The following MAN1A2 variants were observed in gnomAD, a reference collection of about 807,000 sequenced individuals.
MAN1A2 encodes mannosidase alpha class 1A member 2, also known as mannosyl-oligosaccharide 1,2-alpha-mannosidase IB.
In MAN1A2, 26 loss-of-function variants were observed where a neutral mutation model predicts 75.7. The observed-to-expected ratio is 0.34, with a 90% CI of 0.25 to 0.48. MAN1A2 has a LOEUF of 0.48. Among genes scored for constraint, MAN1A2 ranks in the 20% least tolerant of loss-of-function variants. The probability of loss-of-function intolerance (pLI) is 0.99; values close to 1 mark genes in which losing one functional copy is unlikely to be tolerated. For synonymous variants in MAN1A2, 247 were observed against 264.6 expected, an observed-to-expected ratio of 0.93 and a Z score of 0.65; for missense variants, 562 against 775.5, an observed-to-expected ratio of 0.72 and a Z score of 3.27.
At chr1:117,403,053 G>A (rs1411652359) in intron 2 of MAN1A2, among the ~76,000 whole-genome samples, 2 of 152,114 alleles carry the variant, frequency 1.3e-5, no homozygotes, top group Non-Finnish European at 2.9e-5. Context: ...GAAAAATCTA[G>A]TGAATATTTG....
intron 8 of MAN1A2, 131 bp downstream of exon 8, chr1:117,466,558 T>C (rs1323173037): frequency 1.9e-6 from 1 of 539,236 alleles, no homozygotes; most frequent in African/African-American, 2.0e-5. Flanking sequence ...CTGCTGGTGC[T>C]GTTCTTAGGC....
rs10923324 is a variant in MAN1A2, at chr1:117,506,398, T to A, written c.1793+3428T>A. Among the ~76,000 whole-genome samples, 1,189 of 151,708 alleles carry A rather than the reference T, an allele frequency of 7.8e-3. 11 individuals are homozygous for A. Among genetic ancestry groups the A allele is most frequent in the African/African-American group, 0.027 (1,118 of 41,496 alleles). Reference sequence around the variant, plus strand: ...CATAGGTGCTATACCATGGAGTAGTTATTGCTATAGGCATACTTTTTTCCC... The same window carrying A: ...CATAGGTGCTATACCATGGAGTAGTAATTGCTATAGGCATACTTTTTTCCC... On this transcript the variant is annotated intron_variant, in intron 12 of 12. Coordinates refer to ENST00000356554, the MANE Select transcript of MAN1A2 (RefSeq NM_006699.5).
chr1:117,464,036 G>C (rs980755403), intron 7 of MAN1A2, among the ~76,000 whole-genome samples: 1 of 152,064 alleles, frequency 6.6e-6, no homozygotes, highest in Non-Finnish European at 1.5e-5. Flanking sequence ...TGAAGTAGAA[G>C]ACCTAAATCA....
chr1:117,476,950 G>T (rs1262665053), intron 8 of MAN1A2, among the ~76,000 whole-genome samples: 1 of 152,088 alleles, frequency 6.6e-6, no homozygotes, highest in African/African-American at 2.4e-5. Flanking sequence ...ACTATGGGCA[G>T]TATGGACATT....
rs373949285 is a variant in MAN1A2 at position 117,525,117 on chromosome 1, C to T, written c.*2160C>T. ...CTTCTCAAGGGATGAGGAGACAGAA[C>T]CCCTACTTCCAAGTGCTCTATTTGT... On this transcript the variant is annotated 3_prime_UTR_variant, in exon 13 of 13. Coordinates refer to ENST00000356554, the MANE Select transcript of MAN1A2 (RefSeq NM_006699.5). The T allele has an allele frequency of 8.5e-5, 45 of 529,310 alleles. No homozygotes were observed. Among genetic ancestry groups the T allele is most frequent in the African/African-American group, 8.3e-4 (43 of 51,948 alleles). 32.8% of individuals were successfully genotyped at this position (529,310 alleles called of 1,614,324 possible).
At chr1:117,456,957 A>G (rs546818862) in intron 6 of MAN1A2, among the ~76,000 whole-genome samples, 1 of 152,152 alleles carries the variant, frequency 6.6e-6, no homozygotes, top group African/African-American at 2.4e-5. Flanking sequence ...GAGTGTTTTA[A>G]TTTCTTCAGT....
chr1:117,427,596 A>G (rs1228984430), intron 5 of MAN1A2, among the ~76,000 whole-genome samples: 4 of 152,224 alleles, frequency 2.6e-5, no homozygotes, highest in South Asian at 2.1e-4. Context: ...TATTTTTTCT[A>G]TATTTGGTGA....
In MAN1A2 at chr1:117,490,940, C is replaced by A. The variant is rs1029041554; in HGVS notation, c.1169-2207C>A. Among the ~76,000 whole-genome samples, 4 of 150,610 alleles carry A rather than the reference C, an allele frequency of 2.7e-5. No homozygotes were observed. In the Admixed American group the frequency reaches 2.7e-4, roughly 10 times the overall value. On this transcript the variant is annotated intron_variant, in intron 8 of 12. Coordinates refer to ENST00000356554, the MANE Select transcript of MAN1A2 (RefSeq NM_006699.5). Reference sequence around the variant, plus strand: ...TCCAGAGCAAGGCTCTAGCTCTCTTCAATTCTGTGAATGCTAAGAGAGGTG... The same window carrying A: ...TCCAGAGCAAGGCTCTAGCTCTCTTAAATTCTGTGAATGCTAAGAGAGGTG...
intron 6 of MAN1A2, among the ~76,000 whole-genome samples, chr1:117,455,703 A>G (rs758248628): frequency 5.3e-5 from 8 of 152,090 alleles, no homozygotes; most frequent in Admixed American, 3.3e-4. Flanking sequence ...ATGCTTATGC[A>G]GTTTTCCAGA....
At chr1:117,382,231 T>G (rs376377930) in intron 1 of MAN1A2, among the ~76,000 whole-genome samples, 8 of 152,280 alleles carry the variant, frequency 5.3e-5, no homozygotes, top group South Asian at 2.1e-4. Flanking sequence ...CATTGCTTTT[T>G]GTGTTTTAGA....
chr1:117,405,507 T>A, intron 2 of MAN1A2, 42 bp from the exon 3 acceptor site: 1 of 1,255,564 alleles, frequency 8.0e-7, no homozygotes. Flanking sequence ...AAACAGTTTG[T>A]GAAAAATTTA....
chr1:117,421,172 C>T (rs1438698820), intron 5 of MAN1A2, among the ~76,000 whole-genome samples: 3 of 151,818 alleles, frequency 2.0e-5, no homozygotes, highest in Non-Finnish European at 2.9e-5. Context: ...TAGGAAATTC[C>T]CTTTTACTAT....
At chr1:117,392,476 C>G (rs946867548) in intron 1 of MAN1A2, among the ~76,000 whole-genome samples, 1 of 151,922 alleles carries the variant, frequency 6.6e-6, no homozygotes, top group East Asian at 1.9e-4. Flanking sequence ...CTATAGCTGT[C>G]CGTGGTATTT....
rs369300298 is a variant in MAN1A2, at chr1:117,384,911, A to G, written c.302+16426A>G. Among the ~76,000 whole-genome samples, 29 of 152,278 alleles carry G rather than the reference A, an allele frequency of 1.9e-4. No individual in the cohort carries two copies. In the South Asian group the frequency reaches 5.8e-3, roughly 31 times the overall value. ...AACCAGCTGACAAAAGAAAGATGTA[A>G]TTTGCAGAGTCTAAGCCCCAGCATC... On this transcript the variant is annotated intron_variant, in intron 1 of 12. Coordinates refer to ENST00000356554, the MANE Select transcript of MAN1A2 (RefSeq NM_006699.5).
intron 6 of MAN1A2, among the ~76,000 whole-genome samples, chr1:117,444,790 G>C (rs1345018334): frequency 6.6e-6 from 1 of 151,900 alleles, no homozygotes; most frequent in Non-Finnish European, 1.5e-5. Flanking sequence ...CTGTTGGTCT[G>C]TTGTCTTTAT....
At chr1:117,434,311 A>G (rs1404804854) in intron 5 of MAN1A2, among the ~76,000 whole-genome samples, 4 of 152,202 alleles carry the variant, frequency 2.6e-5, no homozygotes, top group Non-Finnish European at 5.9e-5. Context: ...TTTATATGCA[A>G]TAAAATGTAC....
At chr1:117,508,386 A>T (rs1050229921) in intron 12 of MAN1A2, among the ~76,000 whole-genome samples, 1 of 151,670 alleles carries the variant, frequency 6.6e-6, no homozygotes, top group East Asian at 1.9e-4. Flanking sequence ...TCACCACAGT[A>T]TGTCTACTTT....
chr1:117,472,749 C>T (rs1288711796), intron 8 of MAN1A2, among the ~76,000 whole-genome samples: 2 of 151,992 alleles, frequency 1.3e-5, no homozygotes, highest in Non-Finnish European at 2.9e-5. Flanking sequence ...TTGCCCAACC[C>T]AGGGCACTGG....
At chr1:117,494,696 A>G (rs2101874969) in intron 9 of MAN1A2, 1 of 152,186 alleles carries the variant, frequency 6.6e-6, no homozygotes, top group South Asian at 2.1e-4. Context: ...AAATTTTAGT[A>G]GGAGAACTTT....
Sources: allele counts gnomAD v4.1 joint callset (sites outside exome capture counted in the v4.1 genomes callset), GRCh38; gene constraint gnomAD v4.1.1; transcripts MANE v1.5; gene names NCBI Gene and HGNC (gene_info 2026-07-23, HGNC 2026-07-21).